The following RELT variants were observed in gnomAD, a reference collection of about 807,000 sequenced individuals.
RELT encodes the protein tumor necrosis factor receptor superfamily member 19L.
Under a neutral mutation model 51.1 loss-of-function variants are expected in RELT, and 37 were observed. The ratio of observed to expected loss-of-function variants is 0.72; its 90% confidence interval spans 0.56 to 0.95. The LOEUF (loss-of-function observed/expected upper bound fraction) is 0.95. RELT is among the 40% of genes least tolerant of loss of function. RELT has a pLI of 0.00. For missense variants in RELT, 535 were observed against 572.6 expected, an observed-to-expected ratio of 0.93 and a Z score of 0.67; for synonymous variants, 241 against 235.7, an observed-to-expected ratio of 1.02 and a Z score of -0.21.
Position 73,395,238 on chromosome 11 carries a change from G to A in RELT, c.1198G>A (p.Gly400Arg), listed in dbSNP as rs141534644. 51 of 1,613,030 alleles carry A rather than the reference G, an allele frequency of 3.2e-5. No homozygotes were observed. Among genetic ancestry groups the A allele is most frequent in the Middle Eastern group, 1.6e-4 (1 of 6,068 alleles). The stretch of plus-strand genomic sequence containing the variant: ...GCAGCAGGCCCTGCTAGGAAGTGGC[G>A]GAAGCCGTACAAAGTGGCTGAAGCC... The part of the protein sequence containing the change: ...PEQQALLGSG[G>R]SRTKWLKPPA... Residue 400 changes from glycine to arginine, a missense_variant, in exon 10 of 11, where the codon GGA becomes AGA. Physicochemically the swap from Gly to Arg is moderately radical, Grantham distance 125. Coordinates refer to ENST00000064780, the MANE Select transcript of RELT (RefSeq NM_152222.2).
chr11:73,391,248 C>T (rs1024649700), intron 5 of RELT, 25 bp downstream of exon 5: 1 of 1,605,500 alleles, frequency 6.2e-7, no homozygotes, highest in Admixed American at 1.7e-5. Flanking sequence ...GGGGCTAGGA[C>T]TGGTGCAGGG....
At position 73,393,427 on chromosome 11, in the gene RELT, G is replaced by A. The variant is rs1024809621; in HGVS notation, c.626-410G>A. The A allele has an allele frequency of 4.2e-6, 5 of 1,187,332 alleles. No homozygotes were observed. In the African/African-American group the frequency reaches 8.0e-5, roughly 19 times the overall value. 73.5% of individuals were successfully genotyped at this position (1,187,332 alleles called of 1,614,324 possible). A position where few individuals can be genotyped will look rare whatever the true frequency, so the allele number is the denominator to read the frequency against. ...GCACTCAGTTAAATTGTTACATAGGGCACAGTAGAGAGGCCATGGAATAGC... is the reference window on the plus strand; with the variant it reads ...GCACTCAGTTAAATTGTTACATAGGACACAGTAGAGAGGCCATGGAATAGC... On this transcript the variant is annotated intron_variant, in intron 6 of 10. Coordinates refer to ENST00000064780, the MANE Select transcript of RELT (RefSeq NM_152222.2).
chr11:73,391,938 C>A, intron 5 of RELT: 1 of 566,054 alleles, frequency 1.8e-6, no homozygotes, highest in Non-Finnish European at 3.2e-6. Flanking sequence ...TCCTGTGTGC[C>A]ATCTCTTCAC....
At chr11:73,390,655 C>G (rs1413903448) in intron 3 of RELT, 30 bp downstream of exon 3, 2 of 1,612,714 alleles carry the variant, frequency 1.2e-6, no homozygotes, top group Non-Finnish European at 1.7e-6. Context: ...CCTGCCTGTC[C>G]TGGGAGGGCC....
intron 1 of RELT, among the ~76,000 whole-genome samples, chr11:73,377,734 A>G (rs1041905910): frequency 7.1e-6 from 1 of 139,874 alleles, no homozygotes; most frequent in African/African-American, 2.6e-5. Flanking sequence ...CTGCACACTG[A>G]GGTGCTGGGC....
chr11:73,395,509 G>A lies in RELT; in HGVS notation c.*18G>A, dbSNP rs1283256381. 1 of 784,342 alleles carries A rather than the reference G, an allele frequency of 1.3e-6. No individual in the cohort carries two copies. 48.6% of individuals were successfully genotyped at this position (784,342 alleles called of 1,614,324 possible). A position where few individuals can be genotyped will look rare whatever the true frequency, so the allele number is the denominator to read the frequency against. ...TCATCTGAGGGGCGGTCTAGTCTAA[G>A]GACACTGCGGCCCTGCCCTGGGAGG... On this transcript the variant is annotated 3_prime_UTR_variant, in exon 11 of 11. Transcript: ENST00000064780.
chr11:73,393,421 C>A, intron 6 of RELT: 1 of 1,177,830 alleles, frequency 8.5e-7, no homozygotes, highest in Non-Finnish European at 1.1e-6. Context: ...TAAATTGTTA[C>A]ATAGGGCACA....
chr11:73,390,895 T>C lies in RELT; in HGVS notation c.261T>C (p.Asp87=), dbSNP rs376970158. Residue 87 remains aspartate, a synonymous_variant, in exon 4 of 11, where the codon GAT becomes GAC. Coordinates refer to ENST00000064780, the MANE Select transcript of RELT (RefSeq NM_152222.2). ...LEAQVGMATR[D]TLCGDCWPGW... ...CCCAGGTGGGCATGGCAACTCGAGA[T>C]ACACTCTGTGGAGACTGCTGGCCTG... 9.4e-5 allele frequency: 151 copies of C among 1,613,314 alleles called. No individual in the cohort carries two copies. The highest frequency in any genetic ancestry group is 1.2e-4 in the Non-Finnish European group (140 of 1,179,864).
intron 1 of RELT, among the ~76,000 whole-genome samples, chr11:73,382,378 C>T (rs1026626689): frequency 6.6e-6 from 1 of 152,226 alleles, no homozygotes; most frequent in Non-Finnish European, 1.5e-5. Context: ...ACATTAGGGA[C>T]TTGGGATCAG....
At position 73,395,282 on chromosome 11, in the gene RELT, C is replaced by T. The variant is rs148374255; in HGVS notation, c.1242C>T (p.Ala414=). The T allele has an allele frequency of 8.1e-6, 13 of 1,612,666 alleles. No individual in the cohort carries two copies. The highest frequency in any genetic ancestry group is 5.3e-5 in the African/African-American group (4 of 75,034). The change falls in exon 10 of 11, where the codon GCC becomes GCT. Residue 414 remains alanine, a synonymous_variant. Transcript: ENST00000064780. ...TGAAGCCCCCAGCAGAGAACAAGGC[C>T]GAGGTGAGAGTCAAGGAGAAAGGCA... The part of the protein sequence containing the change: ...KWLKPPAENK[A]EENRYVVRLS...
chr11:73,385,166 G>A (rs980699098), intron 1 of RELT, among the ~76,000 whole-genome samples: 3 of 152,150 alleles, frequency 2.0e-5, no homozygotes, highest in African/African-American at 7.2e-5. Context: ...AGAGCAATGG[G>A]CGCAGGCCTT....
At position 73,393,712 on chromosome 11, in the gene RELT, C is replaced by T. The variant is rs765631521; in HGVS notation, c.626-125C>T. On this transcript the variant is annotated intron_variant, in intron 6 of 10. Coordinates refer to ENST00000064780, the MANE Select transcript of RELT (RefSeq NM_152222.2). ...ATTTGCAGGGCTCTGGGAGGCTTGT[C>T]ACCTAAATGCACATGCTCAGGGCCC... 17 of 1,564,920 alleles carry T rather than the reference C, an allele frequency of 1.1e-5. No individual in the cohort carries two copies. In the East Asian group the frequency reaches 3.8e-4, roughly 35 times the overall value.
In RELT at chr11:73,390,603, C is replaced by A; in HGVS notation, c.98C>A (p.Pro33Gln). The part of the protein sequence containing the change: ...TLTSTTLWQC[P>Q]PGEEPDLDPG... ...ACATCAACAACCCTTTGGCAGTGCC[C>A]ACCTGGGGAGGAGCCCGACCTGGTG... Residue 33 changes from proline to glutamine, a missense_variant, in exon 3 of 11, where the codon CCA (proline) becomes CAA (glutamine). Coordinates refer to ENST00000064780, the MANE Select transcript of RELT (RefSeq NM_152222.2). 6.2e-7 allele frequency: 1 copy of A among 1,613,988 alleles called. No homozygotes were observed. Among genetic ancestry groups the A allele is most frequent in the Non-Finnish European group, 8.5e-7 (1 of 1,180,004 alleles).
chr11:73,395,052 C>G, intron 9 of RELT, 35 bp from the exon 10 acceptor site: 1 of 1,572,342 alleles, frequency 6.4e-7, no homozygotes, highest in Non-Finnish European at 8.7e-7. Context: ...CCGGGATCCC[C>G]GCTAACGGGG....
chr11:73,379,223 A>G (rs1298127190), intron 1 of RELT, among the ~76,000 whole-genome samples: 4 of 152,142 alleles, frequency 2.6e-5, no homozygotes, highest in Admixed American at 2.0e-4. Context: ...ATCCTCAACA[A>G]AGAGGTGGAA....
At chr11:73,386,501 C>T (rs1465852079) in intron 1 of RELT, among the ~76,000 whole-genome samples, 1 of 152,184 alleles carries the variant, frequency 6.6e-6, no homozygotes, top group Non-Finnish European at 1.5e-5. Flanking sequence ...GGCCTTTCTA[C>T]CTGACCGGGC....
rs1866290452 is a variant in RELT at position 73,395,077 on chromosome 11, C to T, written c.1047-10C>T. On this transcript the variant is annotated splice_polypyrimidine_tract_variant and intron_variant, in intron 9 of 10. Coordinates refer to ENST00000064780, the MANE Select transcript of RELT (RefSeq NM_152222.2). ...CGCTAACGGGGATGATTGCCCCACT[C>T]TCCTCACAGGTTCCGCGTGGCTCGA... 2.5e-6 allele frequency: 4 copies of T among 1,610,250 alleles called. No homozygotes were observed. Among genetic ancestry groups the T allele is most frequent in the Non-Finnish European group, 2.5e-6 (3 of 1,177,536 alleles).
chr11:73,386,641 G>A (rs575648946), intron 1 of RELT, among the ~76,000 whole-genome samples: 18 of 152,352 alleles, frequency 1.2e-4, no homozygotes, highest in African/African-American at 4.1e-4. Context: ...GTGTCTATGC[G>A]TGTGCTGGAG....
intron 1 of RELT, 25 bp from the exon 2 acceptor site, chr11:73,389,087 C>T (rs528487361): frequency 2.4e-5 from 31 of 1,318,234 alleles, no homozygotes; most frequent in African/African-American, 2.9e-5. Context: ...GCCGCTCTGC[C>T]GAGCCTCCTC....
Sources: gnomAD v4.1 joint callset for allele counts (sites outside exome capture counted in the v4.1 genomes callset) on GRCh38, gnomAD v4.1.1 for gene constraint, MANE v1.5 for transcripts, NCBI Gene and HGNC (gene_info 2026-07-23, HGNC 2026-07-21) for gene names.